Variants in KCNK13 observed in about 807,000 individuals in gnomAD.
KCNK13 encodes potassium two pore domain channel subfamily K member 13.
Under a neutral mutation model 23.4 loss-of-function variants are expected in KCNK13, and 12 were observed. That is an observed-to-expected ratio of 0.51 (90% CI 0.33 to 0.83). KCNK13 has a LOEUF of 0.83. Ranked by LOEUF, KCNK13 falls within the 40% of genes least tolerant of loss-of-function variation. KCNK13 has a pLI of 0.02. For synonymous variants in KCNK13, 231 were observed against 229.5 expected (o/e 1.01, Z -0.06); for missense variants, 463 against 556.3 (o/e 0.83, Z 1.69).
At chr14:90,138,718 C>T (rs1395106986) in intron 1 of KCNK13, among the ~76,000 whole-genome samples, 1 of 152,182 alleles carries the variant, frequency 6.6e-6, no homozygotes, top group Non-Finnish European at 1.5e-5. Context: ...CACAAAGGCC[C>T]CCAGCTGAGG....
intron 1 of KCNK13, among the ~76,000 whole-genome samples, chr14:90,156,045 A>G (rs1890189946): frequency 6.6e-6 from 1 of 152,070 alleles, no homozygotes; most frequent in African/African-American, 2.4e-5. Flanking sequence ...CTCTACAAAA[A>G]ATATGAAAAT....
chr14:90,139,745 TGAGCCCAG>T (rs1314385123), intron 1 of KCNK13, among the ~76,000 whole-genome samples: 1 of 152,080 alleles, frequency 6.6e-6, no homozygotes, highest in Non-Finnish European at 1.5e-5. Context: ...GTGGATCGCT[TGAGCCCAG>T]GAGTTCAAGA....
intron 1 of KCNK13, among the ~76,000 whole-genome samples, chr14:90,127,220 C>A (rs4904633): frequency 0.8 from 121,407 of 152,036 alleles, 48,546 homozygotes; most frequent in Admixed American, 0.85. Context: ...ATCTGAAACT[C>A]TTCTAAAAAT....
At chr14:90,107,649 T>C (rs1056787309) in intron 1 of KCNK13, 19 of 656,438 alleles carry the variant, frequency 2.9e-5, no homozygotes, top group Non-Finnish European at 5.1e-5. Context: ...TGAGGATTCT[T>C]CCCAGGGGGA....
intron 1 of KCNK13, among the ~76,000 whole-genome samples, chr14:90,104,559 T>C (rs1322121569): frequency 6.6e-6 from 1 of 152,168 alleles, no homozygotes; most frequent in East Asian, 1.9e-4. Flanking sequence ...TTTTTATGTC[T>C]TTGAAGGCTT....
At chr14:90,133,444 G>A (rs920972773) in intron 1 of KCNK13, among the ~76,000 whole-genome samples, 4 of 152,060 alleles carry the variant, frequency 2.6e-5, no homozygotes, top group Admixed American at 2.0e-4. Context: ...TGATGCAAAC[G>A]TTCACGGTGG....
At chr14:90,088,560 T>A (rs1402425835) in intron 1 of KCNK13, among the ~76,000 whole-genome samples, 1 of 152,222 alleles carries the variant, frequency 6.6e-6, no homozygotes, top group Non-Finnish European at 1.5e-5. Context: ...CACTGTCAAC[T>A]TTTTAACATC....
chr14:90,178,369 G>A (rs542498428), intron 1 of KCNK13, among the ~76,000 whole-genome samples: 157 of 151,214 alleles, frequency 1.0e-3, no homozygotes, highest in African/African-American at 3.6e-3. Flanking sequence ...TCATTTCACT[G>A]CAAACTCCAC....
chr14:90,159,063 C>A (rs911047744), intron 1 of KCNK13, among the ~76,000 whole-genome samples: 2 of 152,190 alleles, frequency 1.3e-5, no homozygotes, highest in African/African-American at 4.8e-5. Flanking sequence ...GCTGGAAAGT[C>A]CAAGGTTGAG....
intron 1 of KCNK13, among the ~76,000 whole-genome samples, chr14:90,162,770 A>G (rs529546596): frequency 6.6e-6 from 1 of 152,374 alleles, no homozygotes; most frequent in East Asian, 1.9e-4. Flanking sequence ...AATAAAAGAA[A>G]TTGATTTACC....
intron 1 of KCNK13, among the ~76,000 whole-genome samples, chr14:90,165,188 A>G (rs1890289799): frequency 6.6e-6 from 1 of 152,118 alleles, no homozygotes; most frequent in Admixed American, 6.5e-5. Flanking sequence ...GTTACCTCCC[A>G]CTGGGTCCCT....
At chr14:90,068,177 C>T (rs1412601977) in intron 1 of KCNK13, among the ~76,000 whole-genome samples, 1 of 152,172 alleles carries the variant, frequency 6.6e-6, no homozygotes, top group Non-Finnish European at 1.5e-5. Context: ...AGGTCCCCTC[C>T]ACTCCCACAT....
intron 1 of KCNK13, among the ~76,000 whole-genome samples, chr14:90,154,128 A>C (rs997561193): frequency 6.6e-6 from 1 of 152,194 alleles, no homozygotes; most frequent in African/African-American, 2.4e-5. Flanking sequence ...CTCTGAAACT[A>C]TGAGAATGTT....
chr14:90,180,809 C>A (rs544493919), intron 1 of KCNK13, among the ~76,000 whole-genome samples: 1 of 152,284 alleles, frequency 6.6e-6, no homozygotes, highest in Non-Finnish European at 1.5e-5. Flanking sequence ...CCCCTAAACC[C>A]AGATAACTCC....
chr14:90,117,153 G>A (rs558798832), intron 1 of KCNK13, among the ~76,000 whole-genome samples: 1 of 152,292 alleles, frequency 6.6e-6, no homozygotes, highest in East Asian at 1.9e-4. Flanking sequence ...CTGCAGCAGT[G>A]GATCTGATAG....
intron 1 of KCNK13, among the ~76,000 whole-genome samples, chr14:90,141,804 G>GA (rs1890011187): frequency 7.0e-6 from 1 of 143,410 alleles, no homozygotes; most frequent in Admixed American, 7.0e-5. Flanking sequence ...TGGGGGGGGG[G>GA]ACGGAGCCTT....
intron 1 of KCNK13, among the ~76,000 whole-genome samples, chr14:90,166,703 C>T (rs981618554): frequency 7.4e-6 from 1 of 135,964 alleles, no homozygotes; most frequent in Non-Finnish European, 1.6e-5. Context: ...AAGACTCTGT[C>T]TCAAAAAAAA....
chr14:90,173,393 A>G (rs1366718092), intron 1 of KCNK13, among the ~76,000 whole-genome samples: 1 of 152,180 alleles, frequency 6.6e-6, no homozygotes, highest in Non-Finnish European at 1.5e-5. Flanking sequence ...TATGAACTGA[A>G]GCTCAAACTT....
At chr14:90,093,710 T>C (rs1889375636) in intron 1 of KCNK13, among the ~76,000 whole-genome samples, 1 of 152,158 alleles carries the variant, frequency 6.6e-6, no homozygotes, top group South Asian at 2.1e-4. Flanking sequence ...GCAGAGAACA[T>C]TATGGGCTGT....
Sources: allele counts gnomAD v4.1 joint callset (sites outside exome capture counted in the v4.1 genomes callset), GRCh38; gene constraint gnomAD v4.1.1; transcripts MANE v1.5; gene names NCBI Gene and HGNC (gene_info 2026-07-23, HGNC 2026-07-21).